Variants in RALYL observed in about 807,000 individuals in gnomAD.
The protein encoded by RALYL is RALY RNA binding protein like.
In RALYL, 29 loss-of-function variants were observed where a neutral mutation model predicts 35.1. The observed-to-expected ratio is 0.83, with a 90% confidence interval of 0.61 to 1.13. The LOEUF (loss-of-function observed/expected upper bound fraction) is 1.13. Among genes scored for constraint, RALYL ranks in the 50% most tolerant of loss-of-function variants. The pLI is 0.00. For missense variants in RALYL, 359 were observed against 360.4 expected (o/e 1.00, Z 0.03); for synonymous variants, 120 against 127.6 (o/e 0.94, Z 0.40).
intron 1 of RALYL, among the ~76,000 whole-genome samples, chr8:84,225,458 C>G: frequency 6.6e-6 from 1 of 152,302 alleles, no homozygotes; most frequent in East Asian, 1.9e-4. Context: ...AAGGCCCTGG[C>G]TGACTTGGCT....
intron 1 of RALYL, among the ~76,000 whole-genome samples, chr8:84,482,099 T>C (rs567707072): frequency 1.3e-5 from 2 of 152,234 alleles, no homozygotes; most frequent in African/African-American, 4.8e-5. Context: ...TATTCAGTAG[T>C]AGATTTTCTT....
chr8:84,754,265 A>C (rs1041988954), intron 2 of RALYL, among the ~76,000 whole-genome samples: 6 of 152,180 alleles, frequency 3.9e-5, no homozygotes, highest in Non-Finnish European at 7.3e-5. Flanking sequence ...AAAAAAAAAA[A>C]ATGTGAGAAT....
intron 1 of RALYL, among the ~76,000 whole-genome samples, chr8:84,362,586 G>A (rs552032823): frequency 7.8e-4 from 118 of 152,246 alleles, no homozygotes; most frequent in African/African-American, 2.6e-3. Context: ...CTGCACATGC[G>A]AGGGATCCAG....
At chr8:84,880,146 T>C (rs1329226782) in intron 7 of RALYL, among the ~76,000 whole-genome samples, 1 of 152,050 alleles carries the variant, frequency 6.6e-6, no homozygotes, top group African/African-American at 2.4e-5. Flanking sequence ...AGACAATGGC[T>C]CTATCTTATT....
intron 3 of RALYL, among the ~76,000 whole-genome samples, chr8:84,779,728 A>ATAACT (rs1817653792): frequency 1.3e-5 from 2 of 152,252 alleles, no homozygotes; most frequent in Non-Finnish European, 2.9e-5. Context: ...ATGATAAAAA[A>ATAACT]TAACTTTCAG....
intron 7 of RALYL, among the ~76,000 whole-genome samples, chr8:84,876,129 T>C (rs1841095724): frequency 6.6e-6 from 1 of 152,148 alleles, no homozygotes; most frequent in Non-Finnish European, 1.5e-5. Context: ...TCCTGTCATT[T>C]GAGATTGTTA....
intron 1 of RALYL, among the ~76,000 whole-genome samples, chr8:84,517,678 G>T (rs937517668): frequency 6.6e-6 from 1 of 152,148 alleles, no homozygotes; most frequent in South Asian, 2.1e-4. Context: ...TCAAAAGGGA[G>T]ATGTAAAACG....
chr8:84,225,279 A>T (rs947959822), intron 1 of RALYL, among the ~76,000 whole-genome samples: 1 of 152,240 alleles, frequency 6.6e-6, no homozygotes, highest in Middle Eastern at 3.2e-3. Flanking sequence ...TAGTTGAAAT[A>T]GTCTCCTTAG....
At chr8:84,398,326 C>G (rs531300540) in intron 1 of RALYL, among the ~76,000 whole-genome samples, 53 of 151,860 alleles carry the variant, frequency 3.5e-4, no homozygotes, top group African/African-American at 1.2e-3. Flanking sequence ...TTATCCTTGC[C>G]AATACATTAT....
intron 1 of RALYL, among the ~76,000 whole-genome samples, chr8:84,413,755 A>T (rs1379951029): frequency 6.6e-6 from 1 of 152,082 alleles, no homozygotes; most frequent in Non-Finnish European, 1.5e-5. Flanking sequence ...TCTTCATTTT[A>T]CAAATGATTT....
At chr8:84,687,761 TTTTG>T (rs1444846117) in intron 2 of RALYL, among the ~76,000 whole-genome samples, 1 of 152,074 alleles carries the variant, frequency 6.6e-6, no homozygotes, top group Non-Finnish European at 1.5e-5. Context: ...CTGTAATTTT[TTTTG>T]TTTGGGGTAT....
At chr8:84,720,035 C>T (rs1843603765) in intron 2 of RALYL, among the ~76,000 whole-genome samples, 1 of 152,070 alleles carries the variant, frequency 6.6e-6, no homozygotes, top group Admixed American at 6.6e-5. Flanking sequence ...TGTCCTAGCT[C>T]ACTTCACTTA....
chr8:84,282,927 G>A (rs887876609), intron 1 of RALYL, among the ~76,000 whole-genome samples: 1 of 151,846 alleles, frequency 6.6e-6, no homozygotes, highest in African/African-American at 2.4e-5. Flanking sequence ...ATCTTTCCTG[G>A]TTGGAATACA....
intron 6 of RALYL, among the ~76,000 whole-genome samples, chr8:84,862,947 T>A (rs1484444249): frequency 3.9e-5 from 6 of 152,204 alleles, no homozygotes; most frequent in Admixed American, 2.0e-4. Context: ...TCTGAAGATA[T>A]ATTTAATGTC....
intron 2 of RALYL, among the ~76,000 whole-genome samples, chr8:84,618,007 G>C (rs1161122178): frequency 1.3e-5 from 2 of 151,764 alleles, no homozygotes; most frequent in Non-Finnish European, 2.9e-5. Context: ...GCATTTTATT[G>C]AGGATTTTTG....
intron 2 of RALYL, among the ~76,000 whole-genome samples, chr8:84,656,862 A>T (rs897344682): frequency 2.0e-5 from 3 of 152,192 alleles, no homozygotes; most frequent in African/African-American, 7.2e-5. Flanking sequence ...TATCCAAAGT[A>T]GCCTGGAAAT....
chr8:84,571,442 T>A (rs1490997222), intron 2 of RALYL, among the ~76,000 whole-genome samples: 9 of 151,830 alleles, frequency 5.9e-5, no homozygotes, highest in Non-Finnish European at 2.9e-5. Context: ...TTTGTATTTC[T>A]GTGATATGAG....
intron 4 of RALYL, among the ~76,000 whole-genome samples, chr8:84,819,526 C>T (rs1164994647): frequency 6.6e-6 from 1 of 152,112 alleles, no homozygotes; most frequent in African/African-American, 2.4e-5. Flanking sequence ...AATGCATGGG[C>T]TCCTGTATGC....
intron 4 of RALYL, among the ~76,000 whole-genome samples, chr8:84,833,882 G>A (rs1831423335): frequency 1.3e-5 from 2 of 151,462 alleles, no homozygotes; most frequent in Non-Finnish European, 2.9e-5. Context: ...TATATGTAAA[G>A]CATTTAGAAT....
Sources: gnomAD v4.1 joint callset for allele counts (sites outside exome capture counted in the v4.1 genomes callset) on GRCh38, gnomAD v4.1.1 for gene constraint, MANE v1.5 for transcripts, NCBI Gene and HGNC (gene_info 2026-07-23, HGNC 2026-07-21) for gene names.